The following BBS9 variants were observed in gnomAD, a reference collection of about 807,000 sequenced individuals.
The protein encoded by BBS9 is Bardet-Biedl syndrome 9, also known as protein PTHB1.
A neutral mutation model predicts 117.7 loss-of-function variants in BBS9; 89 were observed. The ratio of observed to expected loss-of-function variants is 0.76; its 90% CI spans 0.64 to 0.90. The LOEUF is 0.90. Ranked by LOEUF, BBS9 falls within the 40% of genes least tolerant of loss-of-function variation. The probability of loss-of-function intolerance (pLI) is 0.00; values close to 1 mark genes in which losing one functional copy is unlikely to be tolerated. For missense variants in BBS9, 982 were observed against 1,042.2 expected, an observed-to-expected ratio of 0.94 and a Z score of 0.80; for synonymous variants, 379 against 370.9, an observed-to-expected ratio of 1.02 and a Z score of -0.25.
At chr7:33,612,844 C>A (rs1335618898) in intron 21 of BBS9, among the ~76,000 whole-genome samples, 1 of 152,016 alleles carries the variant, frequency 6.6e-6, no homozygotes, top group Non-Finnish European at 1.5e-5. Flanking sequence ...AGAGAAAAGA[C>A]CTTATGACTA....
chr7:33,201,083 A>C (rs553398487), intron 5 of BBS9, among the ~76,000 whole-genome samples: 1 of 152,082 alleles, frequency 6.6e-6, no homozygotes, highest in Admixed American at 6.5e-5. Context: ...TTTTCTCCTG[A>C]GGTTGTTTTC....
chr7:33,386,919 A>G (rs142886011), intron 18 of BBS9, among the ~76,000 whole-genome samples: 66 of 152,274 alleles, frequency 4.3e-4, no homozygotes, highest in East Asian at 3.9e-3. Context: ...TTTCTTGTAT[A>G]TCTTTCTAGA....
chr7:33,395,459 A>G (rs984622969), intron 19 of BBS9, among the ~76,000 whole-genome samples: 2 of 152,154 alleles, frequency 1.3e-5, no homozygotes, highest in African/African-American at 4.8e-5. Context: ...ATGCTATTAC[A>G]TGTGCTGAGG....
intron 19 of BBS9, among the ~76,000 whole-genome samples, chr7:33,497,703 G>A (rs1203642954): frequency 2.0e-5 from 3 of 152,144 alleles, no homozygotes; most frequent in Non-Finnish European, 2.9e-5. Flanking sequence ...AGTGGATAAA[G>A]GGAAATCCAA....
At chr7:33,254,408 C>T (rs1796689269) in intron 5 of BBS9, among the ~76,000 whole-genome samples, 1 of 152,144 alleles carries the variant, frequency 6.6e-6, no homozygotes, top group Non-Finnish European at 1.5e-5. Flanking sequence ...TATATATCTT[C>T]AAGGTGTGTA....
intron 5 of BBS9, among the ~76,000 whole-genome samples, chr7:33,204,568 A>G (rs1307430250): frequency 6.6e-6 from 1 of 152,102 alleles, no homozygotes; most frequent in Non-Finnish European, 1.5e-5. Context: ...TTGAGGGCTT[A>G]TTAAGAGAGA....
At chr7:33,507,037 A>G (rs767493156) in intron 20 of BBS9, among the ~76,000 whole-genome samples, 2 of 152,222 alleles carry the variant, frequency 1.3e-5, no homozygotes, top group Non-Finnish European at 2.9e-5. Context: ...TCAGTTTCTT[A>G]ACTGTTCTAA....
intron 16 of BBS9, 88 bp from the exon 17 acceptor site, chr7:33,367,679 A>G (rs1822040013): frequency 9.6e-7 from 1 of 1,039,636 alleles, no homozygotes. Flanking sequence ...GACATAAAAA[A>G]CACGCATCAT....
At chr7:33,307,354 GT>G (rs1808237635) in intron 9 of BBS9, among the ~76,000 whole-genome samples, 1 of 152,132 alleles carries the variant, frequency 6.6e-6, no homozygotes, top group African/African-American at 2.4e-5. Context: ...AAGAGCATGT[GT>G]TTGTTGTGGT....
chr7:33,477,469 T>G (rs1841956586), intron 19 of BBS9, among the ~76,000 whole-genome samples: 1 of 152,190 alleles, frequency 6.6e-6, no homozygotes, highest in African/African-American at 2.4e-5. Flanking sequence ...ATACATAAAT[T>G]AACACAGAGA....
At chr7:33,143,882 T>TTTTTTTTTTTTTTTTTTTTTTTTGAGAC (rs1393630017) in intron 1 of BBS9, among the ~76,000 whole-genome samples, 2 of 151,172 alleles carry the variant, frequency 1.3e-5, no homozygotes, top group Admixed American at 6.6e-5. Flanking sequence ...GTATCTTCTT[T>TTTTTTTTTTTTTTTTTTTTTTTTGAGAC]GGAGATGTGT....
At chr7:33,522,841 G>A (rs1292355404) in intron 20 of BBS9, among the ~76,000 whole-genome samples, 2 of 151,780 alleles carry the variant, frequency 1.3e-5, no homozygotes, top group Non-Finnish European at 3.0e-5. Flanking sequence ...GTCCTGAATG[G>A]TGATGCCTAG....
chr7:33,260,745 T>C (rs1416255115), intron 6 of BBS9, among the ~76,000 whole-genome samples: 4 of 152,196 alleles, frequency 2.6e-5, no homozygotes, highest in Non-Finnish European at 5.9e-5. Context: ...TCATACAGGC[T>C]ATAGCAGAGC....
At chr7:33,521,799 GGTTA>G (rs1370918258) in intron 20 of BBS9, among the ~76,000 whole-genome samples, 1 of 150,688 alleles carries the variant, frequency 6.6e-6, no homozygotes, top group Non-Finnish European at 1.5e-5. Flanking sequence ...ACCTTGTGCA[GGTTA>G]GTTACATATG....
chr7:33,321,380 G>T (rs576409013), intron 9 of BBS9, among the ~76,000 whole-genome samples: 3 of 151,732 alleles, frequency 2.0e-5, no homozygotes, highest in Admixed American at 1.3e-4. Flanking sequence ...ATATCTTTCC[G>T]TTTTTTTCTG....
chr7:33,453,483 C>A (rs1584887912), intron 19 of BBS9, among the ~76,000 whole-genome samples: 1 of 151,656 alleles, frequency 6.6e-6, no homozygotes, highest in South Asian at 2.1e-4. Flanking sequence ...TGATGATCTA[C>A]TTCCACTAAA....
At chr7:33,597,884 A>C (rs1464423904) in intron 21 of BBS9, among the ~76,000 whole-genome samples, 4 of 151,484 alleles carry the variant, frequency 2.6e-5, no homozygotes, top group East Asian at 3.9e-4. Flanking sequence ...AAAAAAAAAA[A>C]AAACAAAACA....
intron 19 of BBS9, among the ~76,000 whole-genome samples, chr7:33,465,398 G>A (rs1840020274): frequency 6.6e-6 from 1 of 152,084 alleles, no homozygotes; most frequent in African/African-American, 2.4e-5. Context: ...CACACCTGCA[G>A]AGGAATGCCA....
intron 20 of BBS9, among the ~76,000 whole-genome samples, chr7:33,508,191 C>G: frequency 6.6e-6 from 1 of 152,222 alleles, no homozygotes; most frequent in East Asian, 1.9e-4. Flanking sequence ...CCAGTGCTCT[C>G]TACCTTCAGC....
Sources: gnomAD v4.1 joint callset for allele counts (sites outside exome capture counted in the v4.1 genomes callset) on GRCh38, gnomAD v4.1.1 for gene constraint, MANE v1.5 for transcripts, NCBI Gene and HGNC (gene_info 2026-07-23, HGNC 2026-07-21) for gene names.